The following NEBL variants were observed in gnomAD, a reference collection of about 807,000 sequenced individuals.
NEBL encodes the protein LIM and SH3 protein 2.
In NEBL, 122 loss-of-function variants were observed where a neutral mutation model predicts 140.2. The ratio of observed to expected loss-of-function variants is 0.87; its 90% CI spans 0.75 to 1.01. The LOEUF is 1.01. Among genes scored for constraint, NEBL ranks in the 50% least tolerant of loss-of-function variants. The pLI, the probability that NEBL is intolerant of heterozygous loss-of-function variation, is 0.00. For missense variants in NEBL, 1,365 were observed against 1,231.3 expected (o/e 1.11, Z -1.62); for synonymous variants, 436 against 398.9 (o/e 1.09, Z -1.11).
chr10:20,945,276 C>T (rs1835098700), intron 4 of NEBL, among the ~76,000 whole-genome samples: 1 of 152,128 alleles, frequency 6.6e-6, no homozygotes, highest in African/African-American at 2.4e-5. Flanking sequence ...CGTCACCAAA[C>T]CCCAGCTAGG....
In NEBL at chr10:20,780,460, G is replaced by T. The variant is rs943874115; in HGVS notation, c.*5287C>A. The stretch of plus-strand genomic sequence containing the variant: ...TTACAACTAAGTTTATTTGGGGGAG[G>T]AAAATATCTTGACTGATTCACCAAT... On this transcript the variant is annotated 3_prime_UTR_variant, in exon 28 of 28. Coordinates refer to ENST00000377122, the MANE Select transcript of NEBL (RefSeq NM_006393.3). The T allele has an allele frequency of 7.9e-5, 12 of 152,122 alleles. No homozygotes were observed. Among genetic ancestry groups the T allele is most frequent in the Non-Finnish European group, 1.3e-4 (9 of 68,018 alleles). The allele number at this position is 152,122 out of a possible 1,614,324, so 9.4% of individuals were successfully genotyped here. A position where few individuals can be genotyped will look rare whatever the true frequency, so the allele number is the denominator to read the frequency against.
intron 2 of NEBL, among the ~76,000 whole-genome samples, chr10:21,068,962 CA>C (rs2131898314): frequency 6.6e-6 from 1 of 152,322 alleles, no homozygotes; most frequent in Non-Finnish European, 1.5e-5. Flanking sequence ...GATCACGGCT[CA>C]CTGCAGACTC....
intron 2 of NEBL, among the ~76,000 whole-genome samples, chr10:21,051,238 T>G (rs1834767729): frequency 6.6e-6 from 1 of 152,232 alleles, no homozygotes; most frequent in African/African-American, 2.4e-5. Context: ...AGATCACATT[T>G]TTTATTGTAA....
At chr10:21,263,023 C>G (rs531437865) in intron 1 of NEBL, among the ~76,000 whole-genome samples, 1 of 152,170 alleles carries the variant, frequency 6.6e-6, no homozygotes, top group East Asian at 1.9e-4. Flanking sequence ...CAAGAAGATA[C>G]AGATGTATTA....
chr10:20,898,140 G>T (rs992339677), upstream of NEBL, among the ~76,000 whole-genome samples: 2 of 152,024 alleles, frequency 1.3e-5, no homozygotes, highest in Admixed American at 1.3e-4. Flanking sequence ...TTATAATGTA[G>T]TGTATGTCCT....
intron 2 of NEBL, among the ~76,000 whole-genome samples, chr10:21,145,727 G>C (rs1257814799): frequency 6.6e-6 from 1 of 152,170 alleles, no homozygotes; most frequent in African/African-American, 2.4e-5. Flanking sequence ...AGATCTACCG[G>C]TCAGTACTCT....
chr10:20,846,924 C>T (rs1325729286), intron 11 of NEBL, among the ~76,000 whole-genome samples: 4 of 151,764 alleles, frequency 2.6e-5, no homozygotes, highest in Non-Finnish European at 5.9e-5. Context: ...CTTTTCAAGC[C>T]AAATTTAAAG....
intron 2 of NEBL, among the ~76,000 whole-genome samples, chr10:21,116,722 T>G (rs541097336): frequency 4.6e-5 from 7 of 152,182 alleles, no homozygotes; most frequent in African/African-American, 1.7e-4. Context: ...CAGGCTGGAG[T>G]GAAGTGGCAC....
At chr10:21,103,548 T>G (rs1442938332) in intron 2 of NEBL, among the ~76,000 whole-genome samples, 1 of 152,174 alleles carries the variant, frequency 6.6e-6, no homozygotes, top group African/African-American at 2.4e-5. Context: ...CTTTTCCATC[T>G]TAGCCATCCT....
intron 3 of NEBL, among the ~76,000 whole-genome samples, chr10:20,980,942 A>T (rs1031913332): frequency 6.6e-6 from 1 of 152,144 alleles, no homozygotes; most frequent in Non-Finnish European, 1.5e-5. Context: ...TCAGAGTCTC[A>T]TCTAACATTT....
intron 3 of NEBL, among the ~76,000 whole-genome samples, chr10:21,239,957 A>C (rs1564548183): frequency 6.6e-6 from 1 of 151,894 alleles, no homozygotes; most frequent in Non-Finnish European, 1.5e-5. Context: ...CAGAGCTTGC[A>C]GTGAGCCGAG....
chr10:20,954,770 GGGCA>G (rs1835701408), intron 4 of NEBL, among the ~76,000 whole-genome samples: 1 of 152,144 alleles, frequency 6.6e-6, no homozygotes, highest in Non-Finnish European at 1.5e-5. Context: ...CTACCCTAGT[GGGCA>G]GGCTGGTTGG....
chr10:20,813,063 TTCCAAATAC>T, intron 23 of NEBL, 123 bp from the exon 24 acceptor site: 1 of 807,140 alleles, frequency 1.2e-6, no homozygotes, highest in Non-Finnish European at 2.1e-6. Flanking sequence ...TATGTATCTT[TTCCAAATAC>T]TCCAAAACTA....
chr10:21,194,830 C>T (rs887264478), intron 3 of NEBL, among the ~76,000 whole-genome samples: 3 of 151,654 alleles, frequency 2.0e-5, no homozygotes, highest in South Asian at 2.1e-4. Context: ...CACCCCCTGC[C>T]GCAAAAAAAT....
upstream of NEBL, among the ~76,000 whole-genome samples, chr10:20,901,032 G>C (rs788983): frequency 1.3e-5 from 2 of 151,412 alleles, no homozygotes; most frequent in African/African-American, 4.9e-5. Context: ...AAAATAAAAA[G>C]AAAAAGCACC....
chr10:21,003,666 G>T (rs1057130077), intron 3 of NEBL, among the ~76,000 whole-genome samples: 1 of 152,172 alleles, frequency 6.6e-6, no homozygotes, highest in Non-Finnish European at 1.5e-5. Flanking sequence ...TACACATCCT[G>T]CTGTGAAGCT....
chr10:20,786,796 G>A (rs1253635735), intron 27 of NEBL, among the ~76,000 whole-genome samples: 2 of 152,188 alleles, frequency 1.3e-5, no homozygotes, highest in Admixed American at 1.3e-4. Context: ...GATTTCCAAT[G>A]GGGGATTTGA....
chr10:20,917,463 A>G (rs931650134), intron 4 of NEBL, among the ~76,000 whole-genome samples: 31 of 152,218 alleles, frequency 2.0e-4, no homozygotes, highest in African/African-American at 6.0e-4. Flanking sequence ...AATTAGGCTG[A>G]AAGTTGAGAC....
intron 2 of NEBL, among the ~76,000 whole-genome samples, chr10:21,109,424 C>T (rs960503542): frequency 3.3e-5 from 5 of 152,158 alleles, no homozygotes; most frequent in Non-Finnish European, 7.4e-5. Flanking sequence ...AGGATTTTCG[C>T]ATCAATGTTC....
Sources: gnomAD v4.1 joint callset for allele counts (sites outside exome capture counted in the v4.1 genomes callset) on GRCh38, gnomAD v4.1.1 for gene constraint, MANE v1.5 for transcripts, NCBI Gene and HGNC (gene_info 2026-07-23, HGNC 2026-07-21) for gene names.